MOCOS: variants seen among roughly 807,000 people sequenced by gnomAD.
MOCOS encodes the protein human molybdenum cofactor sulfurase.
A neutral mutation model predicts 83.6 loss-of-function variants in MOCOS; 86 were observed. The observed-to-expected ratio is 1.03, with a 90% CI of 0.86 to 1.23. The LOEUF (loss-of-function observed/expected upper bound fraction) is 1.23. Among genes scored for constraint, MOCOS ranks in the 50% most tolerant of loss-of-function variants. The probability of loss-of-function intolerance (pLI) is 0.00; values close to 1 mark genes in which losing one functional copy is unlikely to be tolerated. For synonymous variants in MOCOS, 445 were observed against 434.7 expected, an observed-to-expected ratio of 1.02 and a Z score of -0.29; for missense variants, 1,120 against 1,126.9, an observed-to-expected ratio of 0.99 and a Z score of 0.09.
intron 2 of MOCOS, 101 bp from the exon 3 acceptor site, chr18:36,198,589 A>G: frequency 8.5e-7 from 1 of 1,174,006 alleles, no homozygotes; most frequent in Non-Finnish European, 1.3e-6. Context: ...TGGTAGTTTT[A>G]TGTTGAGCTT....
rs778251218 is a variant in MOCOS, at chr18:36,256,976, C to T, written c.2173C>T (p.Pro725Ser). 2 of 1,613,840 alleles carry T rather than the reference C, an allele frequency of 1.2e-6. No homozygotes were observed. The highest frequency in any genetic ancestry group is 1.1e-5 in the South Asian group (1 of 91,062). ...AKKKHGKDQL[P>S]GTMATLSLVN... is the part of the protein sequence containing the mutation. ...TGCTCCATCATTTTCAGATCAACTTCCTGGTACAATGGCCACCCTTTCTCT... is the reference window on the plus strand; with the variant it reads ...TGCTCCATCATTTTCAGATCAACTTTCTGGTACAATGGCCACCCTTTCTCT... The change falls in exon 12 of 15, where the codon CCT becomes TCT. Residue 725 changes from proline (P) to serine (S), a missense_variant. Pro to Ser is a moderately conservative substitution (Grantham distance 74). Transcript: ENST00000261326.
chr18:36,216,020 ACT>A (rs767683976), intron 8 of MOCOS, 43 bp downstream of exon 8: 1 of 1,546,804 alleles, frequency 6.5e-7, no homozygotes, highest in Non-Finnish European at 8.8e-7. Context: ...CTCTTTGTTT[ACT>A]CTCTCTATTT....
chr18:36,251,048 T>C (rs2091619820), intron 10 of MOCOS, 111 bp from the exon 11 acceptor site: 2 of 1,336,800 alleles, frequency 1.5e-6, no homozygotes, highest in Non-Finnish European at 2.1e-6. Context: ...CCTTCAGGGC[T>C]CATGCAATGT....
rs747347022 is a variant in MOCOS, at chr18:36,215,790, C to T, written c.1610C>T (p.Thr537Ile). Residue 537 changes from threonine to isoleucine, a missense_variant, in exon 8 of 15, where the codon ACA becomes ATA. Coordinates refer to ENST00000261326, the MANE Select transcript of MOCOS (RefSeq NM_017947.4). ...CTCTCGCCTCAGGAAGATGCCCTCACAGGCTCCAGGGTTTGGAACAACTCG... is the reference window on the plus strand; with the variant it reads ...CTCTCGCCTCAGGAAGATGCCCTCATAGGCTCCAGGGTTTGGAACAACTCG... ...RSLSPQEDAL[T>I]GSRVWNNSST... 1.2e-6 allele frequency: 2 copies of T among 1,614,236 alleles called. No individual in the cohort carries two copies. The highest frequency in any genetic ancestry group is 1.7e-6 in the Non-Finnish European group (2 of 1,180,046).
In MOCOS at chr18:36,236,973, C is replaced by T. The variant is rs1382259169; in HGVS notation, c.1961-11949C>T. Among the ~76,000 whole-genome samples the T allele has an allele frequency of 3.3e-5, 5 of 152,172 alleles. No homozygotes were observed. In the South Asian group the frequency reaches 6.2e-4, roughly 19 times the overall value. ...TGTAGGAATGCTTGTGATTTTTGCA[C>T]ATTGATTTTGTATCCTGAGACTTTG... On this transcript the variant is annotated intron_variant, in intron 9 of 14. Transcript: ENST00000261326.
intron 2 of MOCOS, among the ~76,000 whole-genome samples, chr18:36,197,171 C>T (rs1319236752): frequency 1.3e-5 from 2 of 152,038 alleles, no homozygotes; most frequent in Non-Finnish European, 2.9e-5. Flanking sequence ...ATTTGGAGGC[C>T]GGGATCAATT....
intron 13 of MOCOS, 55 bp downstream of exon 13, chr18:36,260,230 C>G: frequency 6.2e-7 from 1 of 1,610,936 alleles, no homozygotes; most frequent in East Asian, 2.2e-5. Context: ...TGAAGATTGA[C>G]CTCAATCCCA....
In MOCOS at chr18:36,234,780, G is replaced by A. The variant is rs368166486; in HGVS notation, c.1961-14142G>A. 6.6e-5 allele frequency among the ~76,000 whole-genome samples: 10 copies of A among 152,226 alleles called. No individual in the cohort carries two copies. The South Asian group carries it at 8.3e-4, about 13-fold the overall frequency. On this transcript the variant is annotated intron_variant, in intron 9 of 14. Coordinates refer to ENST00000261326, the MANE Select transcript of MOCOS (RefSeq NM_017947.4). ...AATTGACTCACAGTTTTAAATGGCC[G>A]GGGAAGCCTCAGGAAACTTACAATT...
rs150847286 is a variant in MOCOS at position 36,216,339 on chromosome 18, T to A, written c.1797+362T>A. 6.3e-3 allele frequency among the ~76,000 whole-genome samples: 962 copies of A among 152,334 alleles called. 7 individuals are homozygous for A. The highest frequency in any genetic ancestry group is 0.021 in the African/African-American group (892 of 41,572). ...AGATAGTAATATTATCCCTATTTTA[T>A]AGATATGGAGCCTGAGGGTTTTGAG... On this transcript the variant is annotated intron_variant, in intron 8 of 14. Transcript: ENST00000261326.
intron 6 of MOCOS, among the ~76,000 whole-genome samples, chr18:36,207,828 T>G (rs1001292847): frequency 2.0e-5 from 3 of 152,250 alleles, no homozygotes; most frequent in African/African-American, 7.2e-5. Flanking sequence ...TTTCCTTTTG[T>G]TGCAATTGCT....
chr18:36,199,767 A>G lies in MOCOS; in HGVS notation c.384A>G (p.Ala128=), dbSNP rs1355677373. The change falls in exon 4 of 15, where the codon GCA becomes GCG. Residue 128 remains alanine (A), a synonymous_variant. Transcript: ENST00000261326. ...GCACGGCTGCTCTCAAACTGGTGGC[A>G]GAGGCCTTTCCATGGGTGTCCCAGG... The part of the protein sequence containing the change: ...AGSTAALKLV[A]EAFPWVSQGP... 1 of 1,614,138 alleles carries G rather than the reference A, an allele frequency of 6.2e-7. No individual in the cohort carries two copies. Among genetic ancestry groups the G allele is most frequent in the South Asian group, 1.1e-5 (1 of 91,072 alleles).
intron 9 of MOCOS, among the ~76,000 whole-genome samples, chr18:36,223,895 G>T (rs1412609940): frequency 9.9e-5 from 15 of 152,148 alleles, no homozygotes; most frequent in Admixed American, 5.9e-4. Context: ...AGAGTGGCAT[G>T]ATCACAACTC....
rs892768691 is a variant in MOCOS, at chr18:36,213,877, C to T, written c.1335+395C>T. 5.3e-5 allele frequency among the ~76,000 whole-genome samples: 8 copies of T among 150,296 alleles called. No individual in the cohort carries two copies. The South Asian group carries it at 6.3e-4, about 12-fold the overall frequency. On this transcript the variant is annotated intron_variant, in intron 7 of 14. Coordinates refer to ENST00000261326, the MANE Select transcript of MOCOS (RefSeq NM_017947.4). ...CCAGGAGGCAGAGGTTGCAGTGAGC[C>T]GAGATCGCACCATTGCACTCCAGTG...
intron 11 of MOCOS, among the ~76,000 whole-genome samples, chr18:36,251,809 A>G (rs1187452325): frequency 6.6e-6 from 1 of 152,154 alleles, no homozygotes; most frequent in Non-Finnish European, 1.5e-5. Flanking sequence ...AAGTACTTTG[A>G]AAGTTAACAG....
At position 36,267,593 on chromosome 18, in the gene MOCOS, T is replaced by A. The variant is rs184545730; in HGVS notation, c.2514+740T>A. Among the ~76,000 whole-genome samples, 5 of 152,322 alleles carry A rather than the reference T, an allele frequency of 3.3e-5. No homozygotes were observed. The East Asian group carries it at 9.6e-4, about 29-fold the overall frequency. Reference sequence around the variant, plus strand: ...AGTATAGACATTTGATTTATGTAAGTTTTCTTACCAATATGGGATAGAAAT... The same window carrying A: ...AGTATAGACATTTGATTTATGTAAGATTTCTTACCAATATGGGATAGAAAT... On this transcript the variant is annotated intron_variant, in intron 14 of 14. Coordinates refer to ENST00000261326, the MANE Select transcript of MOCOS (RefSeq NM_017947.4).
Position 36,213,389 on chromosome 18 carries a change from C to T in MOCOS, c.1242C>T (p.Tyr414=), listed in dbSNP as rs367850520. ...AGGTGGACAAAATGGCCAGTCTTTA[C>T]AACATCCACCTGCGAACTGGCTGCT... ...YSQVDKMASL[Y]NIHLRTGCFC... The change falls in exon 7 of 15, where the codon TAC becomes TAT. Residue 414 remains tyrosine, a synonymous_variant. Transcript: ENST00000261326. The T allele has an allele frequency of 6.2e-7, 1 of 1,613,964 alleles. No individual in the cohort carries two copies. Among genetic ancestry groups the T allele is most frequent in the Non-Finnish European group, 8.5e-7 (1 of 1,180,002 alleles).
chr18:36,217,064 G>A (rs1028822567), intron 8 of MOCOS, among the ~76,000 whole-genome samples: 9 of 152,174 alleles, frequency 5.9e-5, no homozygotes, highest in South Asian at 4.1e-4. Flanking sequence ...AGAGAGACGC[G>A]ACAAATGTAT....
In MOCOS at chr18:36,199,745, C is replaced by T. The variant is rs770229881; in HGVS notation, c.362C>T (p.Thr121Met). The change falls in exon 4 of 15, where the codon ACG becomes ATG. Residue 121 changes from threonine to methionine, a missense_variant. By Grantham distance (81) the Thr-to-Met change is moderately conservative (BLOSUM62 -1). Coordinates refer to ENST00000261326, the MANE Select transcript of MOCOS (RefSeq NM_017947.4). ...DYTVIFTAGS[T>M]AALKLVAEAF... ...ACTGTGATCTTCACTGCCGGGAGCACGGCTGCTCTCAAACTGGTGGCAGAG... is the reference window on the plus strand; with the variant it reads ...ACTGTGATCTTCACTGCCGGGAGCATGGCTGCTCTCAAACTGGTGGCAGAG... The T allele has an allele frequency of 1.2e-5, 20 of 1,614,174 alleles. No homozygotes were observed. Among genetic ancestry groups the T allele is most frequent in the Middle Eastern group, 3.3e-4 (2 of 6,042 alleles).
intron 9 of MOCOS, among the ~76,000 whole-genome samples, chr18:36,234,059 G>C (rs1345946926): frequency 1.3e-5 from 2 of 152,044 alleles, no homozygotes; most frequent in African/African-American, 2.4e-5. Flanking sequence ...ATTTATCTTT[G>C]TTTTAGTTGC....
Sources: allele counts gnomAD v4.1 joint callset (sites outside exome capture counted in the v4.1 genomes callset), GRCh38; gene constraint gnomAD v4.1.1; transcripts MANE v1.5; gene names NCBI Gene and HGNC (gene_info 2026-07-23, HGNC 2026-07-21).